CCDC60: variants seen among roughly 807,000 people sequenced by gnomAD.
CCDC60 encodes coiled-coil domain containing 60.
A neutral mutation model predicts 63.5 loss-of-function variants in CCDC60; 54 were observed. The ratio of observed to expected loss-of-function variants is 0.85; its 90% CI spans 0.68 to 1.07. The LOEUF (loss-of-function observed/expected upper bound fraction) is 1.07. Ranked by LOEUF, CCDC60 falls within the 50% of genes least tolerant of loss-of-function variation. The pLI is 0.00. For missense variants in CCDC60, 651 were observed against 684.3 expected (o/e 0.95, Z 0.54); for synonymous variants, 206 against 238.8 (o/e 0.86, Z 1.27).
intron 1 of CCDC60, among the ~76,000 whole-genome samples, chr12:119,370,014 G>C (rs945629002): frequency 6.6e-6 from 1 of 152,166 alleles, no homozygotes; most frequent in Non-Finnish European, 1.5e-5. Context: ...TTGGGGATAA[G>C]GACGTATACC....
chr12:119,431,121 T>C (rs1383287993), intron 2 of CCDC60, among the ~76,000 whole-genome samples: 1 of 152,200 alleles, frequency 6.6e-6, no homozygotes, highest in Non-Finnish European at 1.5e-5. Flanking sequence ...GCCCAGTGGG[T>C]TCACCTTGCC....
intron 1 of CCDC60, among the ~76,000 whole-genome samples, chr12:119,393,085 G>C (rs903183968): frequency 1.3e-5 from 2 of 152,180 alleles, no homozygotes; most frequent in African/African-American, 4.8e-5. Context: ...AATCACTTGA[G>C]CCCATGAGAT....
chr12:119,528,350 A>G (rs1314043069), intron 11 of CCDC60, among the ~76,000 whole-genome samples: 6 of 152,136 alleles, frequency 3.9e-5, no homozygotes, highest in African/African-American at 1.2e-4. Context: ...CTGAAAAGCT[A>G]TGTAAATACA....
intron 1 of CCDC60, among the ~76,000 whole-genome samples, chr12:119,354,250 C>G (rs901357790): frequency 2.6e-5 from 4 of 152,144 alleles, no homozygotes; most frequent in African/African-American, 9.7e-5. Flanking sequence ...AAACCCTAGA[C>G]AGCCTGTTCA....
At chr12:119,473,390 T>C (rs1951105518) in intron 3 of CCDC60, among the ~76,000 whole-genome samples, 2 of 152,240 alleles carry the variant, frequency 1.3e-5, no homozygotes, top group African/African-American at 2.4e-5. Context: ...GGCAAGTTTT[T>C]AAAAACACCA....
chr12:119,491,895 A>G (rs1232690831), intron 5 of CCDC60, among the ~76,000 whole-genome samples: 1 of 152,156 alleles, frequency 6.6e-6, no homozygotes, highest in Non-Finnish European at 1.5e-5. Flanking sequence ...GATTGAGAAG[A>G]GAAAAAGGGC....
chr12:119,446,462 A>AT (rs1478456310), intron 2 of CCDC60, among the ~76,000 whole-genome samples: 1 of 152,232 alleles, frequency 6.6e-6, no homozygotes. Context: ...GTAGAGTACA[A>AT]TGTCAATGAT....
chr12:119,364,526 G>A lies in CCDC60; in HGVS notation c.90+29260G>A, dbSNP rs1270550615. On this transcript the variant is annotated intron_variant, in intron 1 of 13. Coordinates refer to ENST00000327554, the MANE Select transcript of CCDC60 (RefSeq NM_178499.5). The stretch of plus-strand genomic sequence containing the variant: ...AGCTTCTTTCATCCAACATGTTTTT[G>A]AGACTCATCATGTTGTTGGACATAT... Among the ~76,000 whole-genome samples, 10 of 152,064 alleles carry A rather than the reference G, an allele frequency of 6.6e-5. No homozygotes were observed. The East Asian group carries it at 1.9e-3, about 29-fold the overall frequency.
chr12:119,501,634 T>C (rs2695513), intron 6 of CCDC60, among the ~76,000 whole-genome samples: 36 of 152,310 alleles, frequency 2.4e-4, no homozygotes, highest in Non-Finnish European at 3.5e-4. Context: ...CCTTGGTTTT[T>C]ATGGCAGAAA....
intron 2 of CCDC60, among the ~76,000 whole-genome samples, chr12:119,432,484 T>C (rs1009569944): frequency 2.0e-5 from 3 of 152,210 alleles, no homozygotes; most frequent in African/African-American, 7.2e-5. Context: ...TAGTTCTTAC[T>C]AGCTGAGTAT....
At chr12:119,477,109 G>A (rs953893747) in intron 3 of CCDC60, among the ~76,000 whole-genome samples, 1 of 152,174 alleles carries the variant, frequency 6.6e-6, no homozygotes, top group South Asian at 2.1e-4. Context: ...CTGTCAGTTC[G>A]TGAGCTTGGT....
chr12:119,335,270 A>C lies in CCDC60; in HGVS notation c.90+4A>C. 6.3e-7 allele frequency: 1 copy of C among 1,591,286 alleles called. No individual in the cohort carries two copies. The highest frequency in any genetic ancestry group is 8.5e-7 in the Non-Finnish European group (1 of 1,169,658). On this transcript the variant is annotated splice_donor_region_variant and intron_variant, in intron 1 of 13. Coordinates refer to ENST00000327554, the MANE Select transcript of CCDC60 (RefSeq NM_178499.5). ...TGCCTCGGAGAACCTAAGGCAGGTA[A>C]GTCTCCCCTCTGCTGAAACCAATCA...
intron 1 of CCDC60, among the ~76,000 whole-genome samples, chr12:119,416,741 A>ATCT (rs1956706091): frequency 1.3e-5 from 2 of 152,188 alleles, no homozygotes; most frequent in African/African-American, 4.8e-5. Flanking sequence ...TTTGCTGGTT[A>ATCT]TCTTTTTCTT....
intron 1 of CCDC60, among the ~76,000 whole-genome samples, chr12:119,377,888 C>T (rs896729610): frequency 2.6e-5 from 4 of 152,150 alleles, no homozygotes; most frequent in African/African-American, 7.2e-5. Context: ...TGCTGTCTCA[C>T]GCCAGGGAAA....
intron 11 of CCDC60, among the ~76,000 whole-genome samples, chr12:119,526,478 C>T (rs1952681330): frequency 1.3e-5 from 2 of 152,130 alleles, no homozygotes; most frequent in Admixed American, 6.5e-5. Context: ...AAACTGACAC[C>T]CCACAGAATG....
At chr12:119,507,577 TACACATATATATACATATATATATATA>T (rs1952068067) in intron 7 of CCDC60, among the ~76,000 whole-genome samples, 2 of 40,808 alleles carry the variant, frequency 4.9e-5, no homozygotes, top group Non-Finnish European at 7.2e-5. Context: ...TATGTATATA[TACACATATATATACATATATATATATA>T]TATATATATA....
chr12:119,357,241 T>C (rs1955727286), intron 1 of CCDC60, among the ~76,000 whole-genome samples: 1 of 152,248 alleles, frequency 6.6e-6, no homozygotes, highest in African/African-American at 2.4e-5. Flanking sequence ...ATTTCTGTTT[T>C]GAGAACATTT....
At chr12:119,526,912 T>C (rs2136515385) in intron 11 of CCDC60, among the ~76,000 whole-genome samples, 1 of 152,318 alleles carries the variant, frequency 6.6e-6, no homozygotes, top group East Asian at 1.9e-4. Flanking sequence ...CATTACTGGG[T>C]ATATACTACC....
intron 6 of CCDC60, among the ~76,000 whole-genome samples, chr12:119,504,064 T>G (rs1221781936): frequency 6.6e-6 from 1 of 152,180 alleles, no homozygotes; most frequent in Non-Finnish European, 1.5e-5. Context: ...AACCTGGCAT[T>G]TTAGATGTCA....
Sources: gnomAD v4.1 joint callset for allele counts (sites outside exome capture counted in the v4.1 genomes callset) on GRCh38, gnomAD v4.1.1 for gene constraint, MANE v1.5 for transcripts, NCBI Gene and HGNC (gene_info 2026-07-23, HGNC 2026-07-21) for gene names.